DIP2C: variants seen among roughly 807,000 people sequenced by gnomAD.
DIP2C encodes the protein DIP2 acetate--CoA ligase C (putative).
Under a neutral mutation model 192.4 loss-of-function variants are expected in DIP2C, and 33 were observed. The observed-to-expected ratio is 0.17, with a 90% CI of 0.13 to 0.23. The LOEUF is 0.23. DIP2C is among the 10% of genes least tolerant of loss of function. The probability of loss-of-function intolerance (pLI) is 1.00; values close to 1 mark genes in which losing one functional copy is unlikely to be tolerated. For missense variants in DIP2C, 1,537 were observed against 2,110.1 expected (o/e 0.73, Z 5.32); for synonymous variants, 979 against 864.1 (o/e 1.13, Z -2.33).
At chr10:331,970 AG>A (rs1487889436) in intron 29 of DIP2C, among the ~76,000 whole-genome samples, 2 of 152,112 alleles carry the variant, frequency 1.3e-5, no homozygotes, top group Non-Finnish European at 2.9e-5. Context: ...CACCCAGGCT[AG>A]AGTGCAGTGG....
chr10:602,361 G>A (rs566502070), intron 1 of DIP2C, among the ~76,000 whole-genome samples: 35 of 152,300 alleles, frequency 2.3e-4, no homozygotes, highest in Admixed American at 5.9e-4. Context: ...TGATACCATC[G>A]CAGCCCTAAC....
At chr10:488,172 G>C (rs1564778848) in intron 1 of DIP2C, among the ~76,000 whole-genome samples, 1 of 152,180 alleles carries the variant, frequency 6.6e-6, no homozygotes, top group African/African-American at 2.4e-5. Context: ...CCTAGGAGGT[G>C]GGAAAGGGTG....
At chr10:638,958 C>A (rs917468146) in intron 1 of DIP2C, among the ~76,000 whole-genome samples, 1 of 152,254 alleles carries the variant, frequency 6.6e-6, no homozygotes, top group Non-Finnish European at 1.5e-5. Context: ...CCCCACTGCC[C>A]TCCTGGCTTC....
Position 310,362 on chromosome 10 carries a change from A to C in DIP2C, c.3925-270T>G, listed in dbSNP as rs540306218. On this transcript the variant is annotated intron_variant, in intron 31 of 36. Coordinates refer to ENST00000280886, the MANE Select transcript of DIP2C (RefSeq NM_014974.3). ...GGAAAGAAAGGAGACAAAGCCACGC[A>C]CTGTGCCAAAAAAAGGAAGGCTGAA... Among the ~76,000 whole-genome samples, 23 of 152,378 alleles carry C rather than the reference A, an allele frequency of 1.5e-4. No homozygotes were observed. The East Asian group carries it at 2.9e-3, about 19-fold the overall frequency.
At chr10:555,803 C>T (rs1848822162) in intron 1 of DIP2C, among the ~76,000 whole-genome samples, 1 of 152,132 alleles carries the variant, frequency 6.6e-6, no homozygotes, top group Admixed American at 6.5e-5. Context: ...CAGGATGCCA[C>T]TCTCAAGCCA....
At chr10:654,282 C>T (rs1856139781) in intron 1 of DIP2C, among the ~76,000 whole-genome samples, 1 of 152,208 alleles carries the variant, frequency 6.6e-6, no homozygotes, top group Non-Finnish European at 1.5e-5. Flanking sequence ...TCAGAAGAGA[C>T]TGCCAGATGA....
chr10:535,599 T>A (rs983135340), intron 1 of DIP2C, among the ~76,000 whole-genome samples: 2 of 152,158 alleles, frequency 1.3e-5, no homozygotes, highest in Admixed American at 6.5e-5. Flanking sequence ...CACACGAGAT[T>A]CAGTGTGATC....
chr10:544,794 G>A (rs1313679692), intron 1 of DIP2C, among the ~76,000 whole-genome samples: 1 of 151,740 alleles, frequency 6.6e-6, no homozygotes, highest in Non-Finnish European at 1.5e-5. Context: ...TTTCATTGCT[G>A]AGTAAGTTTT....
At chr10:462,683 C>A (rs2133385706) in intron 3 of DIP2C, among the ~76,000 whole-genome samples, 2 of 152,288 alleles carry the variant, frequency 1.3e-5, no homozygotes, top group South Asian at 4.1e-4. Flanking sequence ...ATGAGGCCAC[C>A]ATCATCCTGA....
chr10:387,082 CAACA>C (rs1371341769), intron 14 of DIP2C, among the ~76,000 whole-genome samples: 3 of 152,160 alleles, frequency 2.0e-5, no homozygotes, highest in Non-Finnish European at 4.4e-5. Flanking sequence ...CCCACCGACT[CAACA>C]AACAGAAACA....
chr10:488,540 G>A (rs1844184641), intron 1 of DIP2C, among the ~76,000 whole-genome samples: 1 of 152,182 alleles, frequency 6.6e-6, no homozygotes, highest in East Asian at 1.9e-4. Flanking sequence ...CCACTCTAAA[G>A]CTGGTGTGGT....
At chr10:401,350 T>C (rs1377332922) in intron 9 of DIP2C, among the ~76,000 whole-genome samples, 14 of 152,010 alleles carry the variant, frequency 9.2e-5, no homozygotes, top group Admixed American at 3.3e-4. Context: ...ATTTTACATG[T>C]GTGGTAGCAT....
intron 28 of DIP2C, among the ~76,000 whole-genome samples, chr10:343,636 TACA>T (rs1958269503): frequency 6.6e-6 from 1 of 152,256 alleles, no homozygotes; most frequent in Admixed American, 6.5e-5. Context: ...ACTGAATTTA[TACA>T]ACATCCATCC....
intron 1 of DIP2C, among the ~76,000 whole-genome samples, chr10:646,270 ACCCTGT>A (rs1588666472): frequency 1.4e-5 from 2 of 141,324 alleles, no homozygotes; most frequent in East Asian, 4.8e-4. Flanking sequence ...TGCCCCCCGC[ACCCTGT>A]CCCCCTGTGC....
At chr10:605,440 T>A (rs185783582) in intron 1 of DIP2C, among the ~76,000 whole-genome samples, 5 of 152,306 alleles carry the variant, frequency 3.3e-5, no homozygotes, top group Non-Finnish European at 5.9e-5. Flanking sequence ...ACAGAAAAAC[T>A]ACCATAAGCA....
intron 1 of DIP2C, among the ~76,000 whole-genome samples, chr10:595,573 C>T (rs1851653225): frequency 6.6e-6 from 1 of 152,094 alleles, no homozygotes; most frequent in South Asian, 2.1e-4. Context: ...TTGCATCTAC[C>T]TTGAAGCCTT....
chr10:661,255 C>T (rs1393519870), intron 1 of DIP2C, among the ~76,000 whole-genome samples: 2 of 152,228 alleles, frequency 1.3e-5, no homozygotes, highest in Admixed American at 6.5e-5. Context: ...AAGACTGCAG[C>T]CTCCCTGGGG....
At chr10:582,381 G>A (rs1467201297) in intron 1 of DIP2C, among the ~76,000 whole-genome samples, 1 of 152,192 alleles carries the variant, frequency 6.6e-6, no homozygotes, top group South Asian at 2.1e-4. Flanking sequence ...ATAAAACAGA[G>A]TCACACCGGG....
chr10:514,654 T>C (rs1564809475), intron 1 of DIP2C, among the ~76,000 whole-genome samples: 1 of 151,772 alleles, frequency 6.6e-6, no homozygotes, highest in Non-Finnish European at 1.5e-5. Flanking sequence ...ACACCGACCC[T>C]CACCACTGCT....
Sources: gnomAD v4.1 joint callset for allele counts (sites outside exome capture counted in the v4.1 genomes callset) on GRCh38, gnomAD v4.1.1 for gene constraint, MANE v1.5 for transcripts, NCBI Gene and HGNC (gene_info 2026-07-23, HGNC 2026-07-21) for gene names.